The following ATOSA variants were observed in gnomAD, a reference collection of about 807,000 sequenced individuals.
ATOSA encodes atos homolog protein A.
At chr15:52,592,129 T>C in the ATOSA span, among the ~76,000 whole-genome samples, 1 of 152,204 alleles carries the variant, frequency 6.6e-6, no homozygotes, top group Non-Finnish European at 1.5e-5. Context: ...CTCAATTGTA[T>C]AGATGTCCCT....
the ATOSA span, among the ~76,000 whole-genome samples, chr15:52,676,251 T>TAAAA: frequency 3.0e-4 from 46 of 152,136 alleles, no homozygotes; most frequent in African/African-American, 1.1e-3. Flanking sequence ...CCAATGTAGT[T>TAAAA]TAAAAAAAAA....
chr15:52,582,408 A>G, the ATOSA span: 11 of 986,552 alleles, frequency 1.1e-5, no homozygotes, highest in South Asian at 1.7e-5. Flanking sequence ...TCTTGCTACA[A>G]TATTAGGTCA....
the ATOSA span, among the ~76,000 whole-genome samples, chr15:52,621,490 GGTTTGGCTGT>G: frequency 6.6e-6 from 1 of 152,138 alleles, no homozygotes; most frequent in Non-Finnish European, 1.5e-5. Context: ...CTACTAATAT[GGTTTGGCTGT>G]GTCCCCACCC....
the ATOSA span, chr15:52,679,462 T>C: frequency 0.049 from 7,477 of 152,678 alleles, 325 homozygotes; most frequent in East Asian, 0.24. Flanking sequence ...TCCGCGGCCC[T>C]GGCGCCCGGT....
At chr15:52,586,707 T>C in the ATOSA span, 8 of 161,762 alleles carry the variant, frequency 4.9e-5, no homozygotes, top group African/African-American at 1.9e-4. Context: ...TGTCAGACTA[T>C]ATTTCTGCTT....
At chr15:52,637,297 C>A in the ATOSA span, among the ~76,000 whole-genome samples, 1 of 151,242 alleles carries the variant, frequency 6.6e-6, no homozygotes, top group African/African-American at 2.4e-5. Flanking sequence ...AGTTGGGGGG[C>A]AGGAGAAAAA....
chr15:52,694,716 G>A, the ATOSA span, among the ~76,000 whole-genome samples: 1 of 151,772 alleles, frequency 6.6e-6, no homozygotes, highest in South Asian at 2.1e-4. Flanking sequence ...TATCAGATAA[G>A]CTAGAAAATA....
chr15:52,621,082 A>G, the ATOSA span, among the ~76,000 whole-genome samples: 2 of 152,358 alleles, frequency 1.3e-5, no homozygotes, highest in East Asian at 3.9e-4. Flanking sequence ...GATGTTTATG[A>G]AAACATTTAT....
the ATOSA span, among the ~76,000 whole-genome samples, chr15:52,699,473 A>G: frequency 6.6e-6 from 1 of 151,502 alleles, no homozygotes; most frequent in Non-Finnish European, 1.5e-5. Flanking sequence ...GATAGGATTA[A>G]AAGGATTTGG....
the ATOSA span, chr15:52,608,768 GCTCA>G: frequency 6.2e-7 from 1 of 1,607,158 alleles, no homozygotes; most frequent in Non-Finnish European, 8.5e-7. Context: ...TGAGTATTTT[GCTCA>G]CATGTCTTAG....
At chr15:52,608,603 A>G in the ATOSA span, 1 of 1,599,408 alleles carries the variant, frequency 6.3e-7, no homozygotes, top group African/African-American at 1.4e-5. Flanking sequence ...TCACATGTAG[A>G]CAAACAGTCT....
the ATOSA span, among the ~76,000 whole-genome samples, chr15:52,707,985 A>G: frequency 5.9e-5 from 9 of 152,206 alleles, no homozygotes; most frequent in African/African-American, 2.2e-4. Flanking sequence ...TTCCTGTCAT[A>G]GAAACCTTAT....
chr15:52,599,673 T>A, the ATOSA span, among the ~76,000 whole-genome samples: 1 of 152,200 alleles, frequency 6.6e-6, no homozygotes, highest in Non-Finnish European at 1.5e-5. Context: ...TTTGAATTTT[T>A]AAAAAATAAC....
At chr15:52,616,899 T>C in the ATOSA span, among the ~76,000 whole-genome samples, 1 of 152,186 alleles carries the variant, frequency 6.6e-6, no homozygotes, top group Non-Finnish European at 1.5e-5. Flanking sequence ...CAGTCCCTCA[T>C]AAACCTACTG....
chr15:52,668,045 G>C, the ATOSA span, among the ~76,000 whole-genome samples: 2 of 152,202 alleles, frequency 1.3e-5, no homozygotes, highest in Non-Finnish European at 2.9e-5. Context: ...TCATCCAGCA[G>C]TTCCGCTACT....
chr15:52,640,246 C>A, the ATOSA span, among the ~76,000 whole-genome samples: 1 of 151,808 alleles, frequency 6.6e-6, no homozygotes, highest in Non-Finnish European at 1.5e-5. Context: ...AATTTTAAGA[C>A]ATATTACTCT....
chr15:52,637,061 A>T, the ATOSA span, among the ~76,000 whole-genome samples: 1 of 152,226 alleles, frequency 6.6e-6, no homozygotes, highest in African/African-American at 2.4e-5. Flanking sequence ...AGGGAAACTT[A>T]AGAGGAAGAA....
At chr15:52,629,155 A>G in the ATOSA span, among the ~76,000 whole-genome samples, 1 of 152,176 alleles carries the variant, frequency 6.6e-6, no homozygotes, top group East Asian at 1.9e-4. Flanking sequence ...GCTTTTAACT[A>G]AAGGTTTTTT....
At chr15:52,608,497 T>G in the ATOSA span, 1 of 1,461,586 alleles carries the variant, frequency 6.8e-7, no homozygotes, top group Non-Finnish European at 9.1e-7. Context: ...TATAACCAGA[T>G]CTCCTGTGAA....
Sources: gnomAD v4.1 joint callset for allele counts (sites outside exome capture counted in the v4.1 genomes callset) on GRCh38, gnomAD v4.1.1 for gene constraint, MANE v1.5 for transcripts, NCBI Gene and HGNC (gene_info 2026-07-23, HGNC 2026-07-21) for gene names.